Variants in IPO11 observed in about 807,000 individuals in gnomAD.
The protein encoded by IPO11 is importin 11.
In IPO11, 66 loss-of-function variants were observed where a neutral mutation model predicts 143.2. That is an observed-to-expected ratio of 0.46 (90% CI 0.38 to 0.57). IPO11 has a LOEUF of 0.57. Among genes scored for constraint, IPO11 ranks in the 20% least tolerant of loss-of-function variants. The probability of loss-of-function intolerance (pLI) is 0.00; values close to 1 mark genes in which losing one functional copy is unlikely to be tolerated. For missense variants in IPO11, 1,026 were observed against 1,141.0 expected (o/e 0.90, Z 1.45); for synonymous variants, 385 against 377.8 (o/e 1.02, Z -0.22).
intron 1 of IPO11, among the ~76,000 whole-genome samples, chr5:62,415,765 G>T (rs932020894): frequency 6.6e-6 from 1 of 152,058 alleles, no homozygotes; most frequent in Non-Finnish European, 1.5e-5. Flanking sequence ...ACCACGCCCG[G>T]CCCCCTCTTT....
intron 2 of IPO11, among the ~76,000 whole-genome samples, chr5:62,439,037 C>T (rs1283925825): frequency 4.2e-5 from 6 of 143,002 alleles, no homozygotes; most frequent in Non-Finnish European, 9.0e-5. Flanking sequence ...CCAACCTGGG[C>T]GACAGAGTAA....
intron 20 of IPO11, among the ~76,000 whole-genome samples, chr5:62,516,808 C>G (rs1742037800): frequency 6.6e-6 from 1 of 151,924 alleles, no homozygotes; most frequent in African/African-American, 2.4e-5. Context: ...GTTCAACTGT[C>G]ACTACCATCC....
At chr5:62,463,763 A>G (rs1745460860) in intron 5 of IPO11, among the ~76,000 whole-genome samples, 1 of 152,008 alleles carries the variant, frequency 6.6e-6, no homozygotes, top group Non-Finnish European at 1.5e-5. Flanking sequence ...TATTGTATTA[A>G]GAGACATTAG....
In IPO11 at chr5:62,484,005, T is replaced by G; in HGVS notation, c.1022-5T>G. On this transcript the variant is annotated splice_polypyrimidine_tract_variant and splice_region_variant and intron_variant, in intron 10 of 29. Coordinates refer to ENST00000325324, the MANE Select transcript of IPO11 (RefSeq NM_016338.5). ...ACAATTAACTTGGAAATTTCATTTT[T>G]CTAGATAGCAGCCCTGAAACTCTTG... is the stretch of plus-strand genomic sequence containing the variant. 2 of 1,593,052 alleles carry G rather than the reference T, an allele frequency of 1.3e-6. No homozygotes were observed. Among genetic ancestry groups the G allele is most frequent in the Non-Finnish European group, 1.7e-6 (2 of 1,173,664 alleles).
At chr5:62,458,804 C>T (rs757930073) in intron 5 of IPO11, among the ~76,000 whole-genome samples, 11 of 152,196 alleles carry the variant, frequency 7.2e-5, no homozygotes, top group African/African-American at 9.6e-5. Context: ...AAGAGCTGTG[C>T]GCTGAACAGA....
chr5:62,581,798 T>C (rs187747869), intron 27 of IPO11, among the ~76,000 whole-genome samples: 25 of 152,264 alleles, frequency 1.6e-4, no homozygotes, highest in Non-Finnish European at 2.8e-4. Flanking sequence ...GGAGGAGATA[T>C]ATGGTTACTG....
At chr5:62,519,581 A>C (rs568580068) in intron 20 of IPO11, among the ~76,000 whole-genome samples, 1 of 152,090 alleles carries the variant, frequency 6.6e-6, no homozygotes, top group East Asian at 1.9e-4. Flanking sequence ...CTATATCATT[A>C]TGTCATGATT....
Position 62,463,007 on chromosome 5 carries a change from T to G in IPO11, c.517-4124T>G, listed in dbSNP as rs551403906. Among the ~76,000 whole-genome samples, 69 of 152,176 alleles carry G rather than the reference T, an allele frequency of 4.5e-4. 1 individual carries two copies. The highest frequency in any genetic ancestry group is 1.6e-3 in the African/African-American group (68 of 41,522). ...GTTCTAATTTACACACATATATTACTTATATGTATATGAATATATGTGTAT... is the reference window on the plus strand; with the variant it reads ...GTTCTAATTTACACACATATATTACGTATATGTATATGAATATATGTGTAT... On this transcript the variant is annotated intron_variant, in intron 5 of 29. Coordinates refer to ENST00000325324, the MANE Select transcript of IPO11 (RefSeq NM_016338.5).
At chr5:62,490,797 C>T (rs1746581282) in intron 15 of IPO11, among the ~76,000 whole-genome samples, 1 of 151,872 alleles carries the variant, frequency 6.6e-6, no homozygotes, top group Non-Finnish European at 1.5e-5. Context: ...ATTTTGTCAC[C>T]CAGCCTGGAG....
At chr5:62,587,520 T>C (rs1744840848) in intron 27 of IPO11, among the ~76,000 whole-genome samples, 1 of 152,170 alleles carries the variant, frequency 6.6e-6, no homozygotes, top group Non-Finnish European at 1.5e-5. Flanking sequence ...TTATTACATT[T>C]TTAAGTGAAT....
intron 2 of IPO11, among the ~76,000 whole-genome samples, chr5:62,438,688 G>C (rs180872956): frequency 1.3e-5 from 2 of 151,210 alleles, no homozygotes; most frequent in East Asian, 3.9e-4. Flanking sequence ...GGAGGCGGAG[G>C]TTGCAGTGAG....
chr5:62,415,612 G>T (rs898823125), intron 1 of IPO11, among the ~76,000 whole-genome samples: 2 of 151,912 alleles, frequency 1.3e-5, no homozygotes, highest in South Asian at 2.1e-4. Flanking sequence ...GGGATTACCG[G>T]CATGCACCGC....
intron 26 of IPO11, among the ~76,000 whole-genome samples, chr5:62,558,081 A>G (rs1743637609): frequency 6.6e-6 from 1 of 152,184 alleles, no homozygotes. Flanking sequence ...GCAGCCCAGA[A>G]CTGATACTCA....
At chr5:62,608,855 A>G (rs1345348219) in intron 29 of IPO11, among the ~76,000 whole-genome samples, 1 of 152,148 alleles carries the variant, frequency 6.6e-6, no homozygotes, top group African/African-American at 2.4e-5. Flanking sequence ...TGTGTATCCA[A>G]CATTGTAGTA....
intron 27 of IPO11, among the ~76,000 whole-genome samples, chr5:62,565,549 A>G (rs1457998590): frequency 1.3e-5 from 2 of 152,178 alleles, no homozygotes; most frequent in African/African-American, 4.8e-5. Context: ...AAAAGAAACA[A>G]ACTAACACCA....
intron 29 of IPO11, among the ~76,000 whole-genome samples, 184 bp from the exon 30 acceptor site, chr5:62,626,970 C>G (rs1214036587): frequency 6.6e-6 from 1 of 152,138 alleles, no homozygotes; most frequent in Non-Finnish European, 1.5e-5. Flanking sequence ...GAAGTTAAGA[C>G]TAATTGAATG....
In IPO11 at chr5:62,598,420, CTTTCTTTCTT is replaced by C. The variant is rs1561380551; in HGVS notation, c.2679-3342_2679-3333del. Among the ~76,000 whole-genome samples, 8 of 11,770 alleles carry C rather than the reference CTTTCTTTCTT, an allele frequency of 6.8e-4. No homozygotes were observed. The East Asian group carries it at 0.011, about 16-fold the overall frequency. 7.7% of individuals were successfully genotyped at this position (11,770 alleles called of 152,430 possible). A position where few individuals can be genotyped will look rare whatever the true frequency, so the allele number is the denominator to read the frequency against. On this transcript the variant is annotated intron_variant, in intron 28 of 29. Coordinates refer to ENST00000325324, the MANE Select transcript of IPO11 (RefSeq NM_016338.5). ...TCTTTCTTTCTTTCTTTCTTTCTTT[CTTTCTTTCTT>C]TCTCTCTCTCTCTCTCTCTCTCTCT...
Position 62,568,574 on chromosome 5 carries a change from C to CAA in IPO11, c.2582+7339_2582+7340dup, listed in dbSNP as rs66748975. Among the ~76,000 whole-genome samples, 311 of 51,866 alleles carry CAA rather than the reference C, an allele frequency of 6.0e-3. 21 individuals carry two copies. The highest frequency in any genetic ancestry group is 0.021 in the African/African-American group (233 of 11,312). The allele number at this position is 51,866 out of a possible 152,430, so 34.0% of individuals were successfully genotyped here. On this transcript the variant is annotated intron_variant, in intron 27 of 29. Coordinates refer to ENST00000325324, the MANE Select transcript of IPO11 (RefSeq NM_016338.5). ...GGGCGACAGAGCAAGACTCTGTCTC[C>CAA]AAAAAAAAAAAAAAAAAAAAAAATT...
In IPO11 at chr5:62,504,895, A is replaced by G; in HGVS notation, c.1662A>G (p.Leu554=). 1.3e-6 allele frequency: 2 copies of G among 1,545,124 alleles called. No individual in the cohort carries two copies. Among genetic ancestry groups the G allele is most frequent in the Non-Finnish European group, 1.8e-6 (2 of 1,134,686 alleles). Residue 554 remains leucine, a synonymous_variant, in exon 18 of 30, where the codon CTA becomes CTG. Coordinates refer to ENST00000325324, the MANE Select transcript of IPO11 (RefSeq NM_016338.5). ...TTGAATTTAGAACAGATCAGTTTCTACCGGTAAGAATATACATTTCCAGGT... is the reference window on the plus strand; with the variant it reads ...TTGAATTTAGAACAGATCAGTTTCTGCCGGTAAGAATATACATTTCCAGGT... The part of the protein sequence containing the change: ...DDFEFRTDQF[L]PYLETMFTLL...
Sources: gnomAD v4.1 joint callset for allele counts (sites outside exome capture counted in the v4.1 genomes callset) on GRCh38, gnomAD v4.1.1 for gene constraint, MANE v1.5 for transcripts, NCBI Gene and HGNC (gene_info 2026-07-23, HGNC 2026-07-21) for gene names.